LINGO2: variants seen among roughly 807,000 people sequenced by gnomAD.
LINGO2 encodes the protein leucine rich repeat and Ig domain containing 2.
A neutral mutation model predicts 30.6 loss-of-function variants in LINGO2; 14 were observed. The observed-to-expected ratio is 0.46, with a 90% CI of 0.30 to 0.72. The LOEUF is 0.72. LINGO2 is among the 30% of genes least tolerant of loss of function. The pLI is 0.07. For missense variants in LINGO2, 729 were observed against 751.7 expected (o/e 0.97, Z 0.35); for synonymous variants, 317 against 288.5 (o/e 1.10, Z -1.00).
chr9:28,809,702 T>C, the LINGO2 span, among the ~76,000 whole-genome samples: 6 of 140,502 alleles, frequency 4.3e-5, no homozygotes, highest in East Asian at 1.1e-3. Context: ...GCCGAGATCG[T>C]GCCATTGTAC....
chr9:28,403,727 CT>C (rs1822373682), intron 2 of LINGO2, among the ~76,000 whole-genome samples: 3 of 150,018 alleles, frequency 2.0e-5, no homozygotes, highest in Admixed American at 6.7e-5. Context: ...AAACTTTAAT[CT>C]AGTTTGGCAA....
At position 28,586,554 on chromosome 9, in the gene LINGO2, T is replaced by C. The variant is rs80193940; in HGVS notation, c.-365+83646A>G. On this transcript the variant is annotated intron_variant, in intron 1 of 5. Coordinates refer to ENST00000379992, the Ensembl canonical transcript of LINGO2. Reference sequence around the variant, plus strand: ...GTATAAGTATAGTTTACTGTTATGCTAAATAATATTGTCATATTTCTCAAT... The same window carrying C: ...GTATAAGTATAGTTTACTGTTATGCCAAATAATATTGTCATATTTCTCAAT... 1.4e-3 allele frequency among the ~76,000 whole-genome samples: 217 copies of C among 152,176 alleles called. 10 individuals carry two copies. In the East Asian group the frequency reaches 0.035, roughly 25 times the overall value.
chr9:29,075,059 A>T, the LINGO2 span, among the ~76,000 whole-genome samples: 2 of 152,288 alleles, frequency 1.3e-5, no homozygotes, highest in Admixed American at 6.5e-5. Context: ...AGCTGTGGAT[A>T]CCTGGAATTG....
the LINGO2 span, among the ~76,000 whole-genome samples, chr9:28,886,004 T>G: frequency 1.3e-5 from 2 of 152,206 alleles, no homozygotes; most frequent in African/African-American, 4.8e-5. Flanking sequence ...TATACAGTTG[T>G]TATATTTGGC....
At chr9:29,195,229 T>C in the LINGO2 span, among the ~76,000 whole-genome samples, 1 of 152,200 alleles carries the variant, frequency 6.6e-6, no homozygotes, top group Non-Finnish European at 1.5e-5. Context: ...AGTTGTATTC[T>C]ACGCAGTGGA....
chr9:28,984,101 T>A, the LINGO2 span, among the ~76,000 whole-genome samples: 1 of 152,044 alleles, frequency 6.6e-6, no homozygotes, highest in Non-Finnish European at 1.5e-5. Flanking sequence ...TCTCATTTTA[T>A]CCTCCCAAAG....
chr9:28,038,937 T>C (rs774315202), intron 4 of LINGO2, among the ~76,000 whole-genome samples: 1 of 152,248 alleles, frequency 6.6e-6, no homozygotes, highest in African/African-American at 2.4e-5. Context: ...TCACTAAATC[T>C]CTTCCAAATA....
At chr9:27,937,897 T>C in the LINGO2 span, 1 of 152,236 alleles carries the variant, frequency 6.6e-6, no homozygotes, top group African/African-American at 2.4e-5. Context: ...AGGATTATCA[T>C]GAAATGAGGA....
chr9:28,708,290 AT>A, the LINGO2 span, among the ~76,000 whole-genome samples: 1 of 152,152 alleles, frequency 6.6e-6, no homozygotes, highest in Non-Finnish European at 1.5e-5. Context: ...TATTCAGAAA[AT>A]AAACATAAGC....
chr9:29,142,391 A>G, the LINGO2 span, among the ~76,000 whole-genome samples: 1 of 152,008 alleles, frequency 6.6e-6, no homozygotes, highest in East Asian at 1.9e-4. Flanking sequence ...GGGATGCAGA[A>G]AAACCAGAAC....
At chr9:28,502,474 T>C (rs1259478836) in intron 1 of LINGO2, among the ~76,000 whole-genome samples, 1 of 152,094 alleles carries the variant, frequency 6.6e-6, no homozygotes, top group Non-Finnish European at 1.5e-5. Flanking sequence ...CACTCGTACA[T>C]TTCTGAGAGG....
At chr9:28,755,943 G>A in the LINGO2 span, among the ~76,000 whole-genome samples, 1 of 151,956 alleles carries the variant, frequency 6.6e-6, no homozygotes, top group African/African-American at 2.4e-5. Context: ...TGATTATCAG[G>A]AGTATAAAAG....
At chr9:28,307,422 A>T (rs1209755859) in intron 3 of LINGO2, among the ~76,000 whole-genome samples, 3 of 152,186 alleles carry the variant, frequency 2.0e-5, no homozygotes, top group Admixed American at 1.3e-4. Flanking sequence ...TATTGATGGG[A>T]CGTATCTCAA....
intron 4 of LINGO2, among the ~76,000 whole-genome samples, chr9:28,034,277 G>A (rs763218724): frequency 1.3e-5 from 2 of 152,178 alleles, no homozygotes; most frequent in East Asian, 1.9e-4. Context: ...GCTGTGAAGG[G>A]CAGAAGAAAG....
the LINGO2 span, among the ~76,000 whole-genome samples, chr9:28,763,815 T>C: frequency 2.0e-5 from 3 of 151,018 alleles, no homozygotes; most frequent in Non-Finnish European, 1.5e-5. Context: ...AGGATACAAA[T>C]AAATAAAATC....
intron 1 of LINGO2, among the ~76,000 whole-genome samples, chr9:28,542,498 T>C (rs1044903849): frequency 2.0e-5 from 3 of 152,064 alleles, no homozygotes; most frequent in Non-Finnish European, 4.4e-5. Context: ...CCTAAAGGCA[T>C]TCCCATTCAA....
intron 5 of LINGO2, among the ~76,000 whole-genome samples, chr9:27,985,984 T>C (rs1821105988): frequency 6.6e-6 from 1 of 151,830 alleles, no homozygotes; most frequent in South Asian, 2.1e-4. Flanking sequence ...CACAATCACA[T>C]TTATAACAAA....
the LINGO2 span, among the ~76,000 whole-genome samples, chr9:28,885,462 T>C: frequency 1.5e-5 from 1 of 64,674 alleles, no homozygotes; most frequent in Admixed American, 2.4e-4. Flanking sequence ...TATACATACA[T>C]ATATATATAC....
At chr9:28,193,009 G>A (rs968703560) in intron 4 of LINGO2, among the ~76,000 whole-genome samples, 5 of 152,062 alleles carry the variant, frequency 3.3e-5, no homozygotes, top group African/African-American at 1.2e-4. Flanking sequence ...ATGTCATAAC[G>A]TATAGTGCTG....
Sources: gnomAD v4.1 joint callset for allele counts (sites outside exome capture counted in the v4.1 genomes callset) on GRCh38, gnomAD v4.1.1 for gene constraint, MANE v1.5 for transcripts, NCBI Gene and HGNC (gene_info 2026-07-23, HGNC 2026-07-21) for gene names.